GRID1: variants seen among roughly 807,000 people sequenced by gnomAD.
The protein encoded by GRID1 is glutamate ionotropic receptor delta type subunit 1, also known as glutamate receptor ionotropic, delta-1.
A neutral mutation model predicts 98.0 loss-of-function variants in GRID1; 28 were observed. That is an observed-to-expected ratio of 0.29 (90% confidence interval 0.21 to 0.39). The LOEUF (loss-of-function observed/expected upper bound fraction) is 0.39, where lower values mean the gene tolerates loss of function less well. Among genes scored for constraint, GRID1 ranks in the 10% least tolerant of loss-of-function variants. The pLI, the probability that GRID1 is intolerant of heterozygous loss-of-function variation, is 1.00. For missense variants in GRID1, 1,111 were observed against 1,340.5 expected (o/e 0.83, Z 2.67); for synonymous variants, 553 against 538.5 (o/e 1.03, Z -0.37).
intron 4 of GRID1, among the ~76,000 whole-genome samples, chr10:85,960,050 T>C (rs1295158269): frequency 6.6e-6 from 1 of 152,052 alleles, no homozygotes; most frequent in Non-Finnish European, 1.5e-5. Context: ...CCTGGCTAAT[T>C]TTTGCATTTT....
intron 12 of GRID1, among the ~76,000 whole-genome samples, chr10:85,660,098 C>T (rs2132568444): frequency 6.6e-6 from 1 of 152,346 alleles, no homozygotes; most frequent in South Asian, 2.1e-4. Context: ...GCCAGCCACA[C>T]CACCCCAAGA....
intron 12 of GRID1, among the ~76,000 whole-genome samples, chr10:85,666,684 C>T (rs565422754): frequency 3.8e-4 from 58 of 152,300 alleles, no homozygotes; most frequent in African/African-American, 7.7e-4. Context: ...CTACAGGGGA[C>T]GTGACTTCAA....
chr10:85,688,223 G>T (rs1389445837), intron 12 of GRID1, among the ~76,000 whole-genome samples: 1 of 152,218 alleles, frequency 6.6e-6, no homozygotes, highest in African/African-American at 2.4e-5. Context: ...GTGAAGGCAG[G>T]CAAGGCTGTC....
chr10:85,898,849 TA>T (rs200397901), intron 5 of GRID1, among the ~76,000 whole-genome samples: 2 of 152,086 alleles, frequency 1.3e-5, no homozygotes, highest in Admixed American at 1.3e-4. Flanking sequence ...AAAATAACAA[TA>T]AAAAAATACC....
chr10:85,838,488 G>T (rs964192439), intron 8 of GRID1, among the ~76,000 whole-genome samples: 2 of 152,132 alleles, frequency 1.3e-5, no homozygotes, highest in Admixed American at 6.5e-5. Context: ...CAAGCCAGAA[G>T]AAATTGAGCA....
intron 4 of GRID1, among the ~76,000 whole-genome samples, chr10:86,105,579 G>A (rs572725312): frequency 6.6e-6 from 1 of 152,140 alleles, no homozygotes; most frequent in African/African-American, 2.4e-5. Context: ...AGAGCCCTAG[G>A]GGCCAGCTGC....
At chr10:85,960,698 C>T (rs564400697) in intron 4 of GRID1, among the ~76,000 whole-genome samples, 6 of 152,304 alleles carry the variant, frequency 3.9e-5, no homozygotes, top group South Asian at 2.1e-4. Context: ...TAACAATTGC[C>T]GCTACATGTT....
intron 8 of GRID1, among the ~76,000 whole-genome samples, chr10:85,788,061 A>AAAAAG (rs1243945546): frequency 9.7e-5 from 14 of 143,946 alleles, no homozygotes; most frequent in Non-Finnish European, 1.0e-4. Context: ...TCACAAAAAA[A>AAAAAG]AAAAGAAAAG....
intron 8 of GRID1, among the ~76,000 whole-genome samples, chr10:85,774,591 A>C (rs11201788): frequency 0.055 from 8,368 of 152,232 alleles, 416 homozygotes; most frequent in African/African-American, 0.13. Context: ...CAAAGGGCTA[A>C]TATCCAGAAT....
chr10:86,000,603 T>A (rs560323605), intron 4 of GRID1, among the ~76,000 whole-genome samples: 3 of 152,030 alleles, frequency 2.0e-5, no homozygotes, highest in Non-Finnish European at 4.4e-5. Context: ...GAATAAAAAG[T>A]CCAAAAATAG....
rs2132547659 is a variant in GRID1, at chr10:85,642,783, T to A, written c.2193+4419A>T. Among the ~76,000 whole-genome samples, 2 of 152,354 alleles carry A rather than the reference T, an allele frequency of 1.3e-5. 1 individual carries two copies. Among genetic ancestry groups the A allele is most frequent in the South Asian group, 4.1e-4 (2 of 4,830 alleles). On this transcript the variant is annotated intron_variant, in intron 13 of 15. Coordinates refer to ENST00000327946, the MANE Select transcript of GRID1 (RefSeq NM_017551.3). ...TTTGCATCTTTTGCTACTGATTTTTTAACATTATTGTATTCATGAGTAAGA... is the reference window on the plus strand; with the variant it reads ...TTTGCATCTTTTGCTACTGATTTTTAAACATTATTGTATTCATGAGTAAGA...
At chr10:86,063,484 T>C (rs773827845) in intron 4 of GRID1, among the ~76,000 whole-genome samples, 3 of 152,182 alleles carry the variant, frequency 2.0e-5, no homozygotes, top group Non-Finnish European at 4.4e-5. Flanking sequence ...ACTGGGCAAG[T>C]GTGCAACAGT....
intron 4 of GRID1, among the ~76,000 whole-genome samples, chr10:86,006,740 A>C (rs1447786103): frequency 6.6e-6 from 1 of 151,312 alleles, no homozygotes; most frequent in Non-Finnish European, 1.5e-5. Flanking sequence ...CATGAGGTTT[A>C]TTTGAAATTC....
chr10:85,870,404 C>G (rs559586789), intron 5 of GRID1, among the ~76,000 whole-genome samples: 3 of 152,238 alleles, frequency 2.0e-5, no homozygotes, highest in Non-Finnish European at 4.4e-5. Flanking sequence ...GGGACTCAGA[C>G]TGGCTCCTCA....
intron 8 of GRID1, among the ~76,000 whole-genome samples, chr10:85,746,106 G>C (rs995585149): frequency 1.3e-5 from 2 of 152,118 alleles, no homozygotes; most frequent in Admixed American, 6.5e-5. Flanking sequence ...TGATTGCAAG[G>C]GAGTTATATC....
rs1242768682 is a variant in GRID1 at position 85,896,138 on chromosome 10, CT to C, written c.780+20047del. On this transcript the variant is annotated intron_variant, in intron 5 of 15. Transcript: ENST00000327946. ...TTTGAATCTGTTCATTCATTCACTT[CT>C]ATTGGATAAGAATTTCATCTGTCGG... Among the ~76,000 whole-genome samples the C allele has an allele frequency of 3.9e-5, 6 of 152,258 alleles. No homozygotes were observed. In the East Asian group the frequency reaches 9.6e-4, roughly 24 times the overall value.
intron 3 of GRID1, among the ~76,000 whole-genome samples, chr10:86,176,094 C>T (rs1845571932): frequency 6.6e-6 from 1 of 152,230 alleles, no homozygotes; most frequent in Non-Finnish European, 1.5e-5. Context: ...CCGCCTGCCT[C>T]AGCCTCCCAA....
intron 4 of GRID1, among the ~76,000 whole-genome samples, chr10:86,047,836 G>T (rs990728321): frequency 6.6e-6 from 1 of 152,182 alleles, no homozygotes; most frequent in Non-Finnish European, 1.5e-5. Flanking sequence ...TAGGGAGCTC[G>T]CTGTAATATT....
chr10:85,682,625 C>G (rs916849151), intron 12 of GRID1, among the ~76,000 whole-genome samples: 2 of 152,220 alleles, frequency 1.3e-5, no homozygotes, highest in Non-Finnish European at 1.5e-5. Flanking sequence ...TAAACACAGA[C>G]AAACATCTTT....
Sources: gnomAD v4.1 joint callset for allele counts (sites outside exome capture counted in the v4.1 genomes callset) on GRCh38, gnomAD v4.1.1 for gene constraint, MANE v1.5 for transcripts, NCBI Gene and HGNC (gene_info 2026-07-23, HGNC 2026-07-21) for gene names.